GPC6: variants seen among roughly 807,000 people sequenced by gnomAD.
GPC6 encodes glypican 6.
In GPC6, 14 loss-of-function variants were observed where a neutral mutation model predicts 55.2. The ratio of observed to expected loss-of-function variants is 0.25; its 90% CI spans 0.17 to 0.40. The LOEUF (loss-of-function observed/expected upper bound fraction) is 0.40. Among genes scored for constraint, GPC6 ranks in the 10% least tolerant of loss-of-function variants. The probability of loss-of-function intolerance (pLI) is 1.00; values close to 1 mark genes in which losing one functional copy is unlikely to be tolerated. For missense variants in GPC6, 641 were observed against 708.5 expected, an observed-to-expected ratio of 0.90 and a Z score of 1.08; for synonymous variants, 278 against 259.6, an observed-to-expected ratio of 1.07 and a Z score of -0.68.
chr13:94,359,610 C>T (rs1470119749), intron 6 of GPC6, among the ~76,000 whole-genome samples: 1 of 151,728 alleles, frequency 6.6e-6, no homozygotes. Flanking sequence ...TTGAGGCTAA[C>T]TTGACACAAA....
At chr13:93,607,934 C>A (rs924330048) in intron 2 of GPC6, among the ~76,000 whole-genome samples, 1 of 152,210 alleles carries the variant, frequency 6.6e-6, no homozygotes, top group African/African-American at 2.4e-5. Context: ...ATCCTATTTT[C>A]CTTCCAAATA....
intron 1 of GPC6, among the ~76,000 whole-genome samples, chr13:93,488,556 C>G (rs1879824189): frequency 6.6e-6 from 1 of 152,176 alleles, no homozygotes; most frequent in African/African-American, 2.4e-5. Context: ...CTGTCTTCCA[C>G]AATGGTTGAA....
At chr13:94,247,371 C>T (rs1042490983) in intron 4 of GPC6, among the ~76,000 whole-genome samples, 9 of 152,156 alleles carry the variant, frequency 5.9e-5, no homozygotes, top group African/African-American at 1.9e-4. Flanking sequence ...CTTCATAGTA[C>T]TTCTGGGACT....
the GPC6 span, among the ~76,000 whole-genome samples, chr13:93,220,800 T>C: frequency 0.96 from 145,438 of 152,262 alleles, 69,801 homozygotes; most frequent in East Asian, 1. Flanking sequence ...ACCTAAGATG[T>C]AGTTCTAGGC....
intron 2 of GPC6, among the ~76,000 whole-genome samples, chr13:93,744,528 CTTTTTTTTTTTTTTTT>C (rs71736430): frequency 1.0e-5 from 1 of 97,208 alleles, no homozygotes; most frequent in African/African-American, 4.5e-5. Context: ...TTTCCCTAGT[CTTTTTTTTTTTTTTTT>C]TTTTTTTTTT....
intron 4 of GPC6, among the ~76,000 whole-genome samples, chr13:94,086,068 T>C (rs1885271322): frequency 6.6e-6 from 1 of 152,228 alleles, no homozygotes; most frequent in Non-Finnish European, 1.5e-5. Context: ...ATTTTATTCT[T>C]TTTTTGTTTC....
At position 93,697,092 on chromosome 13, in the gene GPC6, G is replaced by A. The variant is rs555652835; in HGVS notation, c.320-133062G>A. The stretch of plus-strand genomic sequence containing the variant: ...AGGATTGCTTGATGAAATCATCCCC[G>A]CATCATGTTCAGGAGATCAAGCTCC... On this transcript the variant is annotated intron_variant, in intron 2 of 8. Transcript: ENST00000377047. Among the ~76,000 whole-genome samples the A allele has an allele frequency of 9.2e-5, 14 of 151,976 alleles. No homozygotes were observed. The South Asian group carries it at 1.9e-3, about 20-fold the overall frequency.
At chr13:94,152,957 A>G (rs1353662055) in intron 4 of GPC6, among the ~76,000 whole-genome samples, 1 of 152,194 alleles carries the variant, frequency 6.6e-6, no homozygotes, top group African/African-American at 2.4e-5. Flanking sequence ...TAATATATCA[A>G]CCCATTAAAA....
chr13:94,017,701 CAG>C (rs139871496), intron 3 of GPC6, among the ~76,000 whole-genome samples: 2,672 of 152,088 alleles, frequency 0.018, 93 homozygotes, highest in African/African-American at 0.061. Flanking sequence ...TTTTTTGAGA[CAG>C]AGTCTCACTC....
chr13:93,755,641 T>A (rs1316441679), intron 2 of GPC6, among the ~76,000 whole-genome samples: 2 of 152,206 alleles, frequency 1.3e-5, no homozygotes, highest in Non-Finnish European at 2.9e-5. Context: ...AGTGTATGAA[T>A]ACTATCTGCT....
chr13:93,983,331 G>A (rs934823912), intron 3 of GPC6, among the ~76,000 whole-genome samples: 3 of 152,164 alleles, frequency 2.0e-5, no homozygotes, highest in Non-Finnish European at 4.4e-5. Context: ...TATATAAAAT[G>A]TAGTTGATGC....
chr13:94,372,873 G>A lies in GPC6; in HGVS notation c.1153-9541G>A, dbSNP rs1276494206. Among the ~76,000 whole-genome samples the A allele has an allele frequency of 9.8e-5, 15 of 152,286 alleles. 1 individual carries two copies. The South Asian group carries it at 2.1e-3, about 21-fold the overall frequency. ...AGCAGGCAGCTGGAGATCTGAGAAT[G>A]GGCAGACTGCCTCCTCAAGTGGGTC... is the stretch of plus-strand genomic sequence containing the variant. On this transcript the variant is annotated intron_variant, in intron 6 of 8. Coordinates refer to ENST00000377047, the MANE Select transcript of GPC6 (RefSeq NM_005708.5).
intron 1 of GPC6, among the ~76,000 whole-genome samples, chr13:93,492,843 G>C (rs1309823667): frequency 2.7e-5 from 4 of 149,844 alleles, no homozygotes; most frequent in Non-Finnish European, 5.9e-5. Context: ...GGCATATATT[G>C]AACCAGCCTT....
At position 93,949,808 on chromosome 13, in the gene GPC6, A is replaced by T. The variant is rs146413312; in HGVS notation, c.712-77921A>T. 5.0e-3 allele frequency among the ~76,000 whole-genome samples: 763 copies of T among 152,104 alleles called. 5 individuals carry two copies. Among genetic ancestry groups the T allele is most frequent in the African/African-American group, 0.015 (634 of 41,478 alleles). On this transcript the variant is annotated intron_variant, in intron 3 of 8. Coordinates refer to ENST00000377047, the MANE Select transcript of GPC6 (RefSeq NM_005708.5). ...AGTGGTGCGATCATGGCTCACTGCA[A>T]CCTCCACCTCTGGGCTCCCGTGATC...
chr13:93,291,202 C>G (rs1878309732), intron 1 of GPC6, among the ~76,000 whole-genome samples: 1 of 152,152 alleles, frequency 6.6e-6, no homozygotes. Flanking sequence ...TAATTTCTCT[C>G]TCATCCACAT....
chr13:94,084,431 G>C (rs1441331966), intron 4 of GPC6, among the ~76,000 whole-genome samples: 3 of 152,098 alleles, frequency 2.0e-5, no homozygotes, highest in Non-Finnish European at 4.4e-5. Flanking sequence ...ACTTAGCCAT[G>C]ATTCATGATA....
chr13:93,382,311 T>C (rs1875214898), intron 1 of GPC6, among the ~76,000 whole-genome samples: 1 of 152,216 alleles, frequency 6.6e-6, no homozygotes, highest in Non-Finnish European at 1.5e-5. Context: ...TTAAGCGTTG[T>C]AATTAATTAT....
intron 1 of GPC6, among the ~76,000 whole-genome samples, chr13:93,437,351 C>T (rs73552688): frequency 0.012 from 1,874 of 152,184 alleles, 39 homozygotes; most frequent in African/African-American, 0.043. Context: ...GAGGAAGGCA[C>T]GTTGAAAGCC....
intron 3 of GPC6, among the ~76,000 whole-genome samples, chr13:93,859,301 G>T (rs1264339481): frequency 6.6e-6 from 1 of 151,414 alleles, no homozygotes; most frequent in Non-Finnish European, 1.5e-5. Context: ...GTGTCTAATT[G>T]TTCTTTCATT....
Sources: allele counts gnomAD v4.1 joint callset (sites outside exome capture counted in the v4.1 genomes callset), GRCh38; gene constraint gnomAD v4.1.1; transcripts MANE v1.5; gene names NCBI Gene and HGNC (gene_info 2026-07-23, HGNC 2026-07-21).